RFX4: variants seen among roughly 807,000 people sequenced by gnomAD.
RFX4 encodes the protein regulatory factor X4.
Under a neutral mutation model 95.0 loss-of-function variants are expected in RFX4, and 10 were observed. That is an observed-to-expected ratio of 0.11 (90% CI 0.06 to 0.18). The LOEUF (loss-of-function observed/expected upper bound fraction) is 0.18. Among genes scored for constraint, RFX4 ranks in the 10% least tolerant of loss-of-function variants. The pLI is 1.00. For synonymous variants in RFX4, 321 were observed against 340.7 expected (o/e 0.94, Z 0.64); for missense variants, 640 against 922.0 (o/e 0.69, Z 3.96).
At chr12:106,672,996 G>A (rs889788068) in intron 4 of RFX4, among the ~76,000 whole-genome samples, 4 of 152,116 alleles carry the variant, frequency 2.6e-5, no homozygotes, top group Middle Eastern at 3.4e-3. Context: ...TTCTCTCTTC[G>A]GAGGAGGAGG....
chr12:106,599,173 T>C (rs1347585582), intron 1 of RFX4, among the ~76,000 whole-genome samples: 1 of 149,378 alleles, frequency 6.7e-6, no homozygotes, highest in Non-Finnish European at 1.5e-5. Flanking sequence ...CTTTTTTTTT[T>C]CCTCCTCGTT....
At chr12:106,718,954 C>CA (rs34996369) in intron 11 of RFX4, among the ~76,000 whole-genome samples, 14,940 of 107,556 alleles carry the variant, frequency 0.14, 884 homozygotes, top group East Asian at 0.32. Flanking sequence ...ACTAAAGATA[C>CA]AAAAAAAAAA....
At chr12:106,719,781 T>C (rs749019694) in intron 11 of RFX4, among the ~76,000 whole-genome samples, 179 bp from the exon 12 acceptor site, 7 of 152,236 alleles carry the variant, frequency 4.6e-5, no homozygotes, top group Non-Finnish European at 5.9e-5. Flanking sequence ...TGGAAGATGA[T>C]CTTGGAAAGG....
chr12:106,760,207 G>A (rs2043184850), intron 17 of RFX4, among the ~76,000 whole-genome samples: 1 of 152,154 alleles, frequency 6.6e-6, no homozygotes, highest in South Asian at 2.1e-4. Context: ...ATTGGCTCCT[G>A]TCCTTGTTGG....
In RFX4 at chr12:106,761,450, C is replaced by CT; in HGVS notation, c.2190dup (p.Thr731TyrfsTer5). 6.2e-7 allele frequency: 1 copy of CT among 1,613,446 alleles called. No homozygotes were observed. Among genetic ancestry groups the CT allele is most frequent in the Non-Finnish European group, 8.5e-7 (1 of 1,179,680 alleles). The stretch of plus-strand genomic sequence containing the variant: ...TTTGCTTACATCAACGGAGAGGCCT[C>CT]TACAGGATGGGCTAAATGACTGCTA... On this transcript the variant is annotated frameshift_variant, in exon 18 of 18. Transcript: ENST00000392842. LOFTEE classifies it high-confidence loss of function.
At chr12:106,732,732 CAAATT>C (rs1009737453) in intron 14 of RFX4, among the ~76,000 whole-genome samples, 187 bp from the exon 15 acceptor site, 2 of 151,396 alleles carry the variant, frequency 1.3e-5, no homozygotes, top group Non-Finnish European at 2.9e-5. Flanking sequence ...AATAAATAAA[CAAATT>C]AAATAAAGTG....
intron 3 of RFX4, among the ~76,000 whole-genome samples, chr12:106,646,431 CAAAAAAAAAAA>C (rs56305939): frequency 0.19 from 12,531 of 66,858 alleles, 831 homozygotes; most frequent in South Asian, 0.28. Context: ...TAGTTTTATC[CAAAAAAAAAAA>C]AAAAAAAAAA....
At chr12:106,719,220 G>A (rs955578957) in intron 11 of RFX4, among the ~76,000 whole-genome samples, 2 of 152,206 alleles carry the variant, frequency 1.3e-5, no homozygotes, top group Non-Finnish European at 2.9e-5. Flanking sequence ...TCTCTCTAAT[G>A]AGGAAACTGA....
At chr12:106,656,068 T>C (rs1480080325) in intron 4 of RFX4, among the ~76,000 whole-genome samples, 1 of 152,214 alleles carries the variant, frequency 6.6e-6, no homozygotes, top group Admixed American at 6.5e-5. Flanking sequence ...CTTGACCTCC[T>C]GATCTAGGTA....
intron 4 of RFX4, among the ~76,000 whole-genome samples, chr12:106,672,469 T>C (rs1182076681): frequency 6.6e-6 from 1 of 152,194 alleles, no homozygotes; most frequent in Non-Finnish European, 1.5e-5. Flanking sequence ...CAGCATGTGG[T>C]GTTCTTTAGG....
chr12:106,694,770 G>A (rs2041847659), intron 7 of RFX4, among the ~76,000 whole-genome samples: 1 of 152,088 alleles, frequency 6.6e-6, no homozygotes, highest in South Asian at 2.1e-4. Flanking sequence ...CCAGGCGGTG[G>A]CTCACTGTAA....
chr12:106,686,657 T>TGGAGGC (rs1276227271), intron 5 of RFX4, among the ~76,000 whole-genome samples: 1 of 152,108 alleles, frequency 6.6e-6, no homozygotes, highest in African/African-American at 2.4e-5. Flanking sequence ...GCAATTTTGG[T>TGGAGGC]TATTTTTACC....
intron 4 of RFX4, among the ~76,000 whole-genome samples, chr12:106,673,214 T>C (rs985579509): frequency 6.6e-6 from 1 of 152,166 alleles, no homozygotes; most frequent in African/African-American, 2.4e-5. Context: ...TAGAAAATAA[T>C]GATAACTAGA....
chr12:106,624,313 T>TTTTTA (rs1277947152), intron 2 of RFX4, among the ~76,000 whole-genome samples: 1 of 152,256 alleles, frequency 6.6e-6, no homozygotes, highest in Non-Finnish European at 1.5e-5. Flanking sequence ...AATTTTTTCA[T>TTTTTA]TTTTATTTTA....
intron 1 of RFX4, 30 bp downstream of exon 1, chr12:106,583,393 A>G: frequency 6.5e-7 from 1 of 1,538,136 alleles, no homozygotes; most frequent in South Asian, 1.3e-5. Flanking sequence ...TTGGGGGGAT[A>G]CATTGGGAGG....
intron 17 of RFX4, among the ~76,000 whole-genome samples, chr12:106,756,930 C>G (rs78483492): frequency 6.6e-5 from 10 of 152,242 alleles, no homozygotes; most frequent in Middle Eastern, 6.8e-3. Flanking sequence ...GGCCTAGCAC[C>G]GAACTTGGCC....
At position 106,687,007 on chromosome 12, in the gene RFX4, A is replaced by G. The variant is rs757405343; in HGVS notation, c.501A>G (p.Ala167=). 5 of 1,614,072 alleles carry G rather than the reference A, an allele frequency of 3.1e-6. No homozygotes were observed. In the South Asian group the frequency reaches 5.5e-5, roughly 18 times the overall value. ...AAGAAGTGAGCAAACAGACAGTGGCATATTCACCCCGGTCCAAACTCGGAA... is the reference window on the plus strand; with the variant it reads ...AAGAAGTGAGCAAACAGACAGTGGCGTATTCACCCCGGTCCAAACTCGGAA... The part of the protein sequence containing the change: ...GKKEVSKQTV[A]YSPRSKLGTL... Residue 167 remains alanine (A), a synonymous_variant, in exon 6 of 18, where the codon GCA becomes GCG. Coordinates refer to ENST00000392842, the MANE Select transcript of RFX4 (RefSeq NM_213594.3).
chr12:106,625,855 T>A (rs1004543316), intron 2 of RFX4, among the ~76,000 whole-genome samples: 1 of 152,300 alleles, frequency 6.6e-6, no homozygotes, highest in Non-Finnish European at 1.5e-5. Context: ...ATTTTACAGA[T>A]GAAGAAACTG....
At chr12:106,759,356 G>A (rs1300059055) in intron 17 of RFX4, among the ~76,000 whole-genome samples, 1 of 152,198 alleles carries the variant, frequency 6.6e-6, no homozygotes, top group South Asian at 2.1e-4. Context: ...CTGTGCCAGG[G>A]AGAGCACCAG....
Sources: gnomAD v4.1 joint callset for allele counts (sites outside exome capture counted in the v4.1 genomes callset) on GRCh38, gnomAD v4.1.1 for gene constraint, MANE v1.5 for transcripts, NCBI Gene and HGNC (gene_info 2026-07-23, HGNC 2026-07-21) for gene names.